Variants in MICAL2 observed in about 807,000 individuals in gnomAD.
MICAL2 encodes the protein [F-actin]-monooxygenase MICAL2.
MICAL2 carries 77 observed loss-of-function variants against 127.3 expected under a neutral mutation model. The observed-to-expected ratio is 0.60, with a 90% CI of 0.50 to 0.73. MICAL2 has a LOEUF of 0.73. Ranked by LOEUF, MICAL2 falls within the 30% of genes least tolerant of loss-of-function variation. MICAL2 has a pLI of 0.00. For missense variants in MICAL2, 1,351 were observed against 1,434.4 expected, an observed-to-expected ratio of 0.94 and a Z score of 0.94; for synonymous variants, 570 against 551.1, an observed-to-expected ratio of 1.03 and a Z score of -0.48.
chr11:12,351,696 G>A (rs941063220), intron 33 of MICAL2, among the ~76,000 whole-genome samples: 3 of 152,176 alleles, frequency 2.0e-5, no homozygotes, highest in African/African-American at 7.2e-5. Context: ...AGGTGGCCCG[G>A]AGTTACATTC....
chr11:12,211,054 G>A (rs1855394233), intron 6 of MICAL2, among the ~76,000 whole-genome samples: 1 of 152,200 alleles, frequency 6.6e-6, no homozygotes, highest in African/African-American at 2.4e-5. Context: ...GTCTAATGAA[G>A]GACAACTTAA....
At chr11:12,294,513 C>T, downstream of MICAL2, 1 of 1,614,132 alleles carries the variant, frequency 6.2e-7, no homozygotes, top group Non-Finnish European at 8.5e-7. Context: ...GCACTTAGGT[C>T]CCCACCCTGC....
intron 4 of MICAL2, among the ~76,000 whole-genome samples, chr11:12,207,569 G>A (rs871703): frequency 0.53 from 80,576 of 152,026 alleles, 22,194 homozygotes; most frequent in African/African-American, 0.68. Flanking sequence ...GAGCTGAGGC[G>A]TAGGCCCCAT....
At chr11:12,123,278 G>A (rs1251478640) in intron 1 of MICAL2, among the ~76,000 whole-genome samples, 3 of 151,848 alleles carry the variant, frequency 2.0e-5, no homozygotes, top group Admixed American at 6.6e-5. Context: ...CTAAAACTTC[G>A]CTTTCAGAAT....
downstream of MICAL2, among the ~76,000 whole-genome samples, chr11:12,291,956 G>A (rs1043038309): frequency 1.6e-4 from 24 of 152,120 alleles, no homozygotes; most frequent in African/African-American, 2.7e-4. Context: ...TTTGCCCCAC[G>A]GGACCCTGCC....
At chr11:12,335,798 G>A (rs577195960) in intron 32 of MICAL2, among the ~76,000 whole-genome samples, 2 of 152,264 alleles carry the variant, frequency 1.3e-5, no homozygotes, top group African/African-American at 4.8e-5. Flanking sequence ...GCTCTGTTCT[G>A]TTCCATTGGT....
At chr11:12,334,415 C>A (rs767050353) in intron 32 of MICAL2, among the ~76,000 whole-genome samples, 2 of 151,576 alleles carry the variant, frequency 1.3e-5, no homozygotes, top group Non-Finnish European at 2.9e-5. Flanking sequence ...CACAACCATC[C>A]TTTTTTTATC....
At chr11:12,277,197 G>A (rs77815941) in intron 1 of MICAL2, among the ~76,000 whole-genome samples, 2,199 of 152,194 alleles carry the variant, frequency 0.014, 25 homozygotes, top group Non-Finnish European at 0.022. Context: ...GGGTGACAGA[G>A]GGCTATTGGG....
chr11:12,139,226 C>T (rs1243818084), intron 2 of MICAL2, among the ~76,000 whole-genome samples: 1 of 152,190 alleles, frequency 6.6e-6, no homozygotes, highest in African/African-American at 2.4e-5. Context: ...TCCTCCTCTG[C>T]CCTGCTCCTG....
chr11:12,317,649 G>A (rs1864245948), intron 29 of MICAL2, among the ~76,000 whole-genome samples: 1 of 152,124 alleles, frequency 6.6e-6, no homozygotes, highest in Admixed American at 6.5e-5. Flanking sequence ...AAAATTAGCA[G>A]GGCATGTTGG....
At chr11:12,239,301 C>A (rs755049335) in intron 16 of MICAL2, 135 bp from the exon 17 acceptor site, 6 of 1,233,412 alleles carry the variant, frequency 4.9e-6, no homozygotes, top group Non-Finnish European at 7.0e-6. Context: ...GCCCTGCTGC[C>A]TCTGCCTCCC....
chr11:12,125,343 T>C (rs1850829005), intron 1 of MICAL2, among the ~76,000 whole-genome samples: 1 of 152,224 alleles, frequency 6.6e-6, no homozygotes, highest in Non-Finnish European at 1.5e-5. Flanking sequence ...AACCTCCGCC[T>C]CCTGGGTTCA....
intron 2 of MICAL2, among the ~76,000 whole-genome samples, chr11:12,148,232 G>C (rs4757237): frequency 6.6e-6 from 1 of 151,828 alleles, no homozygotes; most frequent in Non-Finnish European, 1.5e-5. Context: ...TGTAGTAGGT[G>C]TTCAGTCAGC....
At chr11:12,330,868 A>G (rs997463766) in intron 32 of MICAL2, among the ~76,000 whole-genome samples, 4 of 144,180 alleles carry the variant, frequency 2.8e-5, no homozygotes, top group African/African-American at 7.9e-5. Flanking sequence ...GGGTAGAGAG[A>G]GAGAGAGAGA....
At chr11:12,177,110 A>G (rs1481431887) in intron 3 of MICAL2, among the ~76,000 whole-genome samples, 1 of 152,180 alleles carries the variant, frequency 6.6e-6, no homozygotes, top group Admixed American at 6.5e-5. Context: ...GTACCATTTT[A>G]TATTCCTACT....
chr11:12,226,838 T>G (rs1352070203), intron 14 of MICAL2, among the ~76,000 whole-genome samples, 187 bp from the exon 15 acceptor site: 1 of 151,908 alleles, frequency 6.6e-6, no homozygotes, highest in Non-Finnish European at 1.5e-5. Flanking sequence ...GTATTTTTAG[T>G]AGAGACGCGG....
In MICAL2 at chr11:12,211,811, G is replaced by A. The variant is rs1356321028; in HGVS notation, c.692-1444G>A. ...AGTCCAGTGGCAGTGGGTTGGACAG[G>A]AGACCCGGCTTCCCTGCAGAAACGG... On this transcript the variant is annotated intron_variant, in intron 6 of 27. Coordinates refer to ENST00000683283, the MANE Select transcript of MICAL2 (RefSeq NM_001282663.2). 4.6e-5 allele frequency among the ~76,000 whole-genome samples: 7 copies of A among 152,208 alleles called. No homozygotes were observed. In the East Asian group the frequency reaches 1.3e-3, roughly 29 times the overall value.
chr11:12,119,694 G>C (rs1475661775), intron 1 of MICAL2, among the ~76,000 whole-genome samples: 1 of 152,134 alleles, frequency 6.6e-6, no homozygotes, highest in Non-Finnish European at 1.5e-5. Context: ...TTTCCCTTTG[G>C]ACTCAGGTGG....
chr11:12,308,776 G>A (rs1864140726), intron 29 of MICAL2, among the ~76,000 whole-genome samples: 1 of 152,256 alleles, frequency 6.6e-6, no homozygotes, highest in Admixed American at 6.5e-5. Context: ...GAGCTGAATA[G>A]AAGTGGTGAT....
Sources: gnomAD v4.1 joint callset for allele counts (sites outside exome capture counted in the v4.1 genomes callset) on GRCh38, gnomAD v4.1.1 for gene constraint, MANE v1.5 for transcripts, NCBI Gene and HGNC (gene_info 2026-07-23, HGNC 2026-07-21) for gene names.